ATP8B4: variants seen among roughly 807,000 people sequenced by gnomAD.
ATP8B4 encodes probable phospholipid-transporting ATPase IM.
In ATP8B4, 133 loss-of-function variants were observed where a neutral mutation model predicts 145.6. That is an observed-to-expected ratio of 0.91 (90% CI 0.79 to 1.05). The LOEUF is 1.05. Among genes scored for constraint, ATP8B4 ranks in the 50% least tolerant of loss-of-function variants. ATP8B4 has a pLI of 0.00. For synonymous variants in ATP8B4, 507 were observed against 492.9 expected (o/e 1.03, Z -0.38); for missense variants, 1,458 against 1,425.2 (o/e 1.02, Z -0.37).
At chr15:50,072,538 C>T (rs2053807442) in intron 3 of ATP8B4, among the ~76,000 whole-genome samples, 1 of 152,164 alleles carries the variant, frequency 6.6e-6, no homozygotes, top group Non-Finnish European at 1.5e-5. Flanking sequence ...AAAATCCTCA[C>T]TTAAACTGTT....
chr15:49,993,254 T>G (rs1424296974), intron 9 of ATP8B4, among the ~76,000 whole-genome samples: 2 of 150,434 alleles, frequency 1.3e-5, no homozygotes, highest in African/African-American at 4.9e-5. Flanking sequence ...GTGGAGAAAA[T>G]AGCTAACAAA....
chr15:50,147,375 CA>C, intron 1 of ATP8B4, among the ~76,000 whole-genome samples: 1 of 149,408 alleles, frequency 6.7e-6, no homozygotes, highest in East Asian at 2.0e-4. Context: ...GAGATCACAC[CA>C]CTGCACTCCA....
chr15:50,030,173 T>C (rs1364613568), intron 6 of ATP8B4, among the ~76,000 whole-genome samples: 1 of 152,020 alleles, frequency 6.6e-6, no homozygotes, highest in Non-Finnish European at 1.5e-5. Context: ...GCCTTTGTGG[T>C]TGAGGTTTGA....
intron 2 of ATP8B4, among the ~76,000 whole-genome samples, chr15:50,094,609 C>T (rs142334452): frequency 2.8e-5 from 4 of 143,068 alleles, no homozygotes; most frequent in Admixed American, 7.0e-5. Context: ...CACATATATA[C>T]GTATATACAC....
At chr15:50,030,164 C>T (rs1277964527) in intron 6 of ATP8B4, among the ~76,000 whole-genome samples, 3 of 151,832 alleles carry the variant, frequency 2.0e-5, no homozygotes. Context: ...ATCTCCAAGG[C>T]CTTTGTGGTT....
At chr15:50,129,946 CAAAAAAAAAAA>C (rs59921497) in intron 1 of ATP8B4, among the ~76,000 whole-genome samples, 2 of 88,118 alleles carry the variant, frequency 2.3e-5, no homozygotes, top group South Asian at 3.8e-4. Flanking sequence ...GACTCTGACT[CAAAAAAAAAAA>C]AAAAAAAAAA....
chr15:50,174,245 G>A (rs2140875443), intron 1 of ATP8B4, among the ~76,000 whole-genome samples: 1 of 152,260 alleles, frequency 6.6e-6, no homozygotes, highest in Admixed American at 6.5e-5. Context: ...AGACAAGGAT[G>A]CACACTGTCA....
intron 12 of ATP8B4, among the ~76,000 whole-genome samples, chr15:49,976,741 C>T (rs777612301): frequency 7.9e-5 from 12 of 152,104 alleles, no homozygotes; most frequent in Non-Finnish European, 1.3e-4. Context: ...AAATGGGCAT[C>T]GTTTTTGTTT....
At chr15:50,055,948 G>A (rs1381620267) in intron 3 of ATP8B4, among the ~76,000 whole-genome samples, 1 of 152,164 alleles carries the variant, frequency 6.6e-6, no homozygotes, top group Non-Finnish European at 1.5e-5. Context: ...CTCAGTATCA[G>A]CTGACTGTTG....
intron 12 of ATP8B4, among the ~76,000 whole-genome samples, chr15:49,977,641 TA>T (rs1352178387): frequency 2.0e-5 from 3 of 151,972 alleles, no homozygotes; most frequent in African/African-American, 7.2e-5. Flanking sequence ...TATAAAAGGC[TA>T]AAAAAAGAGA....
intron 3 of ATP8B4, among the ~76,000 whole-genome samples, chr15:50,068,686 G>A (rs2053543295): frequency 6.6e-6 from 1 of 151,986 alleles, no homozygotes; most frequent in Admixed American, 6.6e-5. Flanking sequence ...TTTGAGGCAG[G>A]GTAAGTTTCT....
chr15:50,120,531 T>C (rs544194988), upstream of ATP8B4, among the ~76,000 whole-genome samples: 1 of 152,286 alleles, frequency 6.6e-6, no homozygotes, highest in Non-Finnish European at 1.5e-5. Context: ...TTTCCTATAC[T>C]GTTAGTGGGA....
At chr15:50,172,713 G>A (rs2044697284) in intron 1 of ATP8B4, among the ~76,000 whole-genome samples, 2 of 151,824 alleles carry the variant, frequency 1.3e-5, no homozygotes, top group African/African-American at 4.8e-5. Flanking sequence ...TCTCTGCCTG[G>A]CTGCCCATCG....
At chr15:50,004,498 C>T (rs930671509) in intron 7 of ATP8B4, among the ~76,000 whole-genome samples, 2 of 152,154 alleles carry the variant, frequency 1.3e-5, no homozygotes, top group African/African-American at 4.8e-5. Context: ...CCAGTAAATC[C>T]TACGGGGACC....
At chr15:49,936,300 T>C (rs961960749) in intron 14 of ATP8B4, among the ~76,000 whole-genome samples, 5 of 152,148 alleles carry the variant, frequency 3.3e-5, no homozygotes, top group Admixed American at 2.0e-4. Context: ...CCTTTCTTAA[T>C]TGATTCTCTT....
chr15:49,888,438 A>T (rs35996890), intron 23 of ATP8B4, among the ~76,000 whole-genome samples: 36,156 of 152,064 alleles, frequency 0.24, 5,387 homozygotes, highest in Middle Eastern at 0.35. Context: ...AGAAAAAAAA[A>T]ATACACAGCC....
rs115907509 is a variant in ATP8B4 at position 49,997,622 on chromosome 15, T to C, written c.507-863A>G. ...CAATCCTCTTGGGGAAAACAAGTGG[T>C]AGGTAAAAAAGCAAACATCACTGTG... On this transcript the variant is annotated intron_variant, in intron 8 of 27. Transcript: ENST00000284509. 5.6e-3 allele frequency among the ~76,000 whole-genome samples: 859 copies of C among 152,096 alleles called. 7 individuals carry two copies. The highest frequency in any genetic ancestry group is 0.02 in the African/African-American group (816 of 41,488).
intron 1 of ATP8B4, among the ~76,000 whole-genome samples, chr15:50,125,313 T>C (rs1595626110): frequency 6.6e-6 from 1 of 152,214 alleles, no homozygotes. Flanking sequence ...GTCATCCCAA[T>C]GAGAAGAGAC....
chr15:49,935,367 G>T (rs187891442), intron 14 of ATP8B4, among the ~76,000 whole-genome samples: 1 of 152,180 alleles, frequency 6.6e-6, no homozygotes, highest in Admixed American at 6.5e-5. Context: ...ACATCCATCA[G>T]CCAGGACTCA....
Sources: gnomAD v4.1 joint callset for allele counts (sites outside exome capture counted in the v4.1 genomes callset) on GRCh38, gnomAD v4.1.1 for gene constraint, MANE v1.5 for transcripts, NCBI Gene and HGNC (gene_info 2026-07-23, HGNC 2026-07-21) for gene names.